Variants in SMYD3 observed in about 807,000 individuals in gnomAD.
SMYD3 encodes histone-lysine N-methyltransferase SMYD3.
In SMYD3, 36 loss-of-function variants were observed where a neutral mutation model predicts 57.7. The ratio of observed to expected loss-of-function variants is 0.62; its 90% CI spans 0.48 to 0.82. The LOEUF is 0.82. Among genes scored for constraint, SMYD3 ranks in the 40% least tolerant of loss-of-function variants. The pLI is 0.00. For missense variants in SMYD3, 515 were observed against 538.8 expected, an observed-to-expected ratio of 0.96 and a Z score of 0.44; for synonymous variants, 211 against 195.0, an observed-to-expected ratio of 1.08 and a Z score of -0.68.
At chr1:245,812,715 A>AAAAAAAAAAAG (rs1399803004) in intron 10 of SMYD3, among the ~76,000 whole-genome samples, 2 of 150,442 alleles carry the variant, frequency 1.3e-5, no homozygotes, top group East Asian at 1.9e-4. Context: ...AAAAAAAAAA[A>AAAAAAAAAAAG]AGAGAAAGAG....
At chr1:246,404,845 C>T (rs1261953280) in intron 1 of SMYD3, among the ~76,000 whole-genome samples, 1 of 152,118 alleles carries the variant, frequency 6.6e-6, no homozygotes, top group Non-Finnish European at 1.5e-5. Context: ...AAGTATAAAA[C>T]CTTTCTTTCA....
intron 10 of SMYD3, among the ~76,000 whole-genome samples, chr1:245,842,475 C>T (rs563856030): frequency 6.6e-6 from 1 of 152,242 alleles, no homozygotes; most frequent in South Asian, 2.1e-4. Flanking sequence ...ATTATCCTGA[C>T]AGAACACACT....
intron 5 of SMYD3, among the ~76,000 whole-genome samples, chr1:245,984,189 G>A (rs1017054159): frequency 1.3e-5 from 2 of 151,756 alleles, no homozygotes; most frequent in African/African-American, 2.4e-5. Flanking sequence ...TAGAAACAGG[G>A]TTTCACCATG....
intron 1 of SMYD3, among the ~76,000 whole-genome samples, chr1:246,418,802 C>T (rs866786050): frequency 3.9e-5 from 6 of 152,132 alleles, no homozygotes; most frequent in Admixed American, 1.3e-4. Context: ...TGTTGCTGTG[C>T]TCTTCTGCCT....
At chr1:245,859,024 G>A (rs892857331) in intron 9 of SMYD3, among the ~76,000 whole-genome samples, 3 of 152,230 alleles carry the variant, frequency 2.0e-5, no homozygotes, top group South Asian at 2.1e-4. Context: ...AAGTTAATTC[G>A]ATTTTAAATT....
intron 5 of SMYD3, among the ~76,000 whole-genome samples, chr1:245,939,224 A>G (rs1213169001): frequency 6.6e-6 from 1 of 152,204 alleles, no homozygotes; most frequent in Admixed American, 6.5e-5. Context: ...TAGATTAAAC[A>G]TATTTTCTTT....
At chr1:246,503,823 C>T (rs10802420) in intron 1 of SMYD3, among the ~76,000 whole-genome samples, 94,989 of 151,504 alleles carry the variant, frequency 0.63, 31,225 homozygotes, top group Admixed American at 0.72. Flanking sequence ...ATTAGCCAGG[C>T]GTGGTCTGTA....
chr1:246,190,413 C>T (rs1011048582), intron 5 of SMYD3, among the ~76,000 whole-genome samples: 5 of 151,876 alleles, frequency 3.3e-5, no homozygotes, highest in African/African-American at 9.7e-5. Context: ...GGTGAAACCC[C>T]GTCTCTACTA....
At chr1:245,938,629 A>C (rs528183930) in intron 5 of SMYD3, among the ~76,000 whole-genome samples, 2 of 152,272 alleles carry the variant, frequency 1.3e-5, no homozygotes, top group East Asian at 3.9e-4. Context: ...AGTAGCTCAT[A>C]ATTCTTCCCC....
intron 5 of SMYD3, among the ~76,000 whole-genome samples, chr1:245,948,571 TCG>T (rs1408774247): frequency 2.0e-5 from 3 of 152,056 alleles, no homozygotes; most frequent in Non-Finnish European, 4.4e-5. Context: ...CACATACTGC[TCG>T]AGTCCTAAGC....
chr1:246,412,204 G>C (rs2066987117), intron 1 of SMYD3, among the ~76,000 whole-genome samples: 2 of 152,264 alleles, frequency 1.3e-5, no homozygotes, highest in Admixed American at 1.3e-4. Context: ...TCCTTGAGTA[G>C]TTCCTGTAGC....
intron 1 of SMYD3, among the ~76,000 whole-genome samples, chr1:246,373,161 C>T (rs576350370): frequency 1.3e-5 from 2 of 151,740 alleles, no homozygotes; most frequent in East Asian, 1.9e-4. Flanking sequence ...TTAAATGATA[C>T]GAATTGGGGT....
intron 5 of SMYD3, among the ~76,000 whole-genome samples, chr1:246,005,232 C>T (rs2059148626): frequency 6.6e-6 from 1 of 152,224 alleles, no homozygotes; most frequent in Non-Finnish European, 1.5e-5. Context: ...CTCTGCCTAT[C>T]TTACTGCCAT....
At chr1:246,303,309 C>T (rs1363876030) in intron 5 of SMYD3, among the ~76,000 whole-genome samples, 1 of 152,158 alleles carries the variant, frequency 6.6e-6, no homozygotes, top group Non-Finnish European at 1.5e-5. Context: ...GGAGTACACA[C>T]TCTGTATAAT....
intron 5 of SMYD3, among the ~76,000 whole-genome samples, chr1:246,200,750 T>C (rs1338868880): frequency 1.4e-5 from 2 of 143,074 alleles, no homozygotes; most frequent in Admixed American, 1.4e-4. Context: ...TTCATATATA[T>C]GATTTGATTC....
chr1:245,979,769 A>T lies in SMYD3; in HGVS notation c.532-49832T>A, dbSNP rs909179257. Among the ~76,000 whole-genome samples the T allele has an allele frequency of 2.6e-5, 4 of 152,316 alleles. No homozygotes were observed. The East Asian group carries it at 7.7e-4, about 29-fold the overall frequency. Reference sequence around the variant, plus strand: ...CAGCATCCCAATTCAGACTTAAAAAACGCAAGATGACCAAACCCAGCCCCG... The same window carrying T: ...CAGCATCCCAATTCAGACTTAAAAATCGCAAGATGACCAAACCCAGCCCCG... On this transcript the variant is annotated intron_variant, in intron 5 of 11. Transcript: ENST00000490107.
In SMYD3 at chr1:246,400,221, T is replaced by A. The variant is rs540683489; in HGVS notation, c.165-45127A>T. 1.5e-4 allele frequency among the ~76,000 whole-genome samples: 23 copies of A among 152,354 alleles called. 2 individuals carry two copies. The South Asian group carries it at 4.6e-3, about 30-fold the overall frequency. ...CTAACATTTATTTACCCACATACTG[T>A]GATAGGCAGTGAGGAATAAGCACAG... On this transcript the variant is annotated intron_variant, in intron 1 of 11. Transcript: ENST00000490107.
rs562996265 is a variant in SMYD3, at chr1:245,806,766, C to T, written c.1077-42617G>A. 9.3e-4 allele frequency among the ~76,000 whole-genome samples: 141 copies of T among 151,050 alleles called. No individual in the cohort carries two copies. The East Asian group carries it at 1.0e-2, about 11-fold the overall frequency. On this transcript the variant is annotated intron_variant, in intron 10 of 11. Transcript: ENST00000490107. ...TCTACTAAAAATACAAAAAATTAGCCGGGCGCGGTGGCGGGCGCCTGTAGT... is the reference window on the plus strand; with the variant it reads ...TCTACTAAAAATACAAAAAATTAGCTGGGCGCGGTGGCGGGCGCCTGTAGT...
chr1:246,481,631 C>T (rs1433474575), intron 1 of SMYD3, among the ~76,000 whole-genome samples: 118 of 33,402 alleles, frequency 3.5e-3, no homozygotes, highest in East Asian at 8.1e-3. Flanking sequence ...TACATACATA[C>T]ATACACATAT....
Sources: gnomAD v4.1 joint callset for allele counts (sites outside exome capture counted in the v4.1 genomes callset) on GRCh38, gnomAD v4.1.1 for gene constraint, MANE v1.5 for transcripts, NCBI Gene and HGNC (gene_info 2026-07-23, HGNC 2026-07-21) for gene names.